The following WDR33 variants were observed in gnomAD, a reference collection of about 807,000 sequenced individuals.
The protein encoded by WDR33 is WD repeat domain 33.
In WDR33, 47 loss-of-function variants were observed where a neutral mutation model predicts 164.9. The observed-to-expected ratio is 0.29, with a 90% CI of 0.23 to 0.36. WDR33 has a LOEUF of 0.36. WDR33 is among the 10% of genes least tolerant of loss of function. The probability of loss-of-function intolerance (pLI) is 1.00; values close to 1 mark genes in which losing one functional copy is unlikely to be tolerated. For synonymous variants in WDR33, 505 were observed against 589.0 expected (o/e 0.86, Z 2.06); for missense variants, 1,137 against 1,754.1 (o/e 0.65, Z 6.28).
chr2:127,708,175 G>C lies in WDR33; in HGVS notation c.3781+502C>G, dbSNP rs913807319. ...AAGTTAGTGCTGCCTATAACATAAA[G>C]CTCCACAGTTCCCAGTTGAGGAGAT... On this transcript the variant is annotated intron_variant, in intron 21 of 21. Transcript: ENST00000322313. This position sits in a 1 kb window ranked among gnomAD's most constrained non-coding sequence, Gnocchi z 6.7. Among the ~76,000 whole-genome samples the C allele has an allele frequency of 6.6e-6, 1 of 152,182 alleles. No individual in the cohort carries two copies. Among genetic ancestry groups the C allele is most frequent in the Non-Finnish European group, 1.5e-5 (1 of 68,042 alleles).
intron 7 of WDR33, chr2:127,736,851 T>C: frequency 3.0e-6 from 3 of 985,292 alleles, no homozygotes; most frequent in Non-Finnish European, 3.6e-6. Context: ...TACAATAACG[T>C]GGGGAAGGGT....
At chr2:127,760,311 T>C (rs1021304660) in intron 7 of WDR33, among the ~76,000 whole-genome samples, 1 of 152,220 alleles carries the variant, frequency 6.6e-6, no homozygotes, top group African/African-American at 2.4e-5. Context: ...TACACAACAC[T>C]AACAATGCAA....
At chr2:127,806,333 G>A (rs1347829064) in intron 1 of WDR33, among the ~76,000 whole-genome samples, 4 of 149,922 alleles carry the variant, frequency 2.7e-5, no homozygotes, top group African/African-American at 4.9e-5. Flanking sequence ...TCAGTCTCCC[G>A]AGTAGCTGGG....
chr2:127,809,397 TA>T (rs1240439425), intron 1 of WDR33, among the ~76,000 whole-genome samples: 1 of 150,308 alleles, frequency 6.7e-6, no homozygotes, highest in East Asian at 2.0e-4. Context: ...TATTTTTGTC[TA>T]AACCATTGTA....
At chr2:127,784,047 C>T (rs1688472236) in intron 1 of WDR33, among the ~76,000 whole-genome samples, 1 of 151,918 alleles carries the variant, frequency 6.6e-6, no homozygotes. Context: ...AACTCATTAC[C>T]TTTCCTTTCC....
At chr2:127,736,747 A>G (rs1429596991) in intron 7 of WDR33, 2 of 985,304 alleles carry the variant, frequency 2.0e-6, no homozygotes, top group Non-Finnish European at 2.4e-6. Flanking sequence ...TCTTATGACT[A>G]TATGGTAAAA....
Position 127,701,639 on chromosome 2 carries a change from C to G in WDR33, c.*4684G>C. On this transcript the variant is annotated 3_prime_UTR_variant, in exon 22 of 22. Coordinates refer to ENST00000322313, the MANE Select transcript of WDR33 (RefSeq NM_018383.5). ...CGGAGAAGGCGGAGGAGCCCGGGGA[C>G]CGGCCGGCGGAGGAGTGGCTGGGCC... 1 of 1,316,868 alleles carries G rather than the reference C, an allele frequency of 7.6e-7. No homozygotes were observed. Among genetic ancestry groups the G allele is most frequent in the Non-Finnish European group, 9.6e-7 (1 of 1,037,432 alleles). The allele number at this position is 1,316,868 out of a possible 1,614,324, so 81.6% of individuals were successfully genotyped here.
rs1209677314 is a variant in WDR33, at chr2:127,735,077, T to G, written c.725-8300A>C. 6.6e-6 allele frequency among the ~76,000 whole-genome samples: 1 copy of G among 152,216 alleles called. No individual in the cohort carries two copies. Among genetic ancestry groups the G allele is most frequent in the African/African-American group, 2.4e-5 (1 of 41,444 alleles). On this transcript the variant is annotated intron_variant, in intron 7 of 21. Coordinates refer to ENST00000322313, the MANE Select transcript of WDR33 (RefSeq NM_018383.5). The surrounding 1 kb of genome is among the most constrained non-coding windows in gnomAD (Gnocchi z 4.3). Reference sequence around the variant, plus strand: ...AGACATTCTAGACTTGCTTTGTAGATAGTGAAGACTTCTTGTTCATTATTC... The same window carrying G: ...AGACATTCTAGACTTGCTTTGTAGAGAGTGAAGACTTCTTGTTCATTATTC...
intron 7 of WDR33, among the ~76,000 whole-genome samples, chr2:127,746,610 G>C (rs141043974): frequency 6.6e-6 from 1 of 152,290 alleles, no homozygotes; most frequent in African/African-American, 2.4e-5. Context: ...AGAAAGACTT[G>C]ACTTGCCCAG....
Position 127,724,499 on chromosome 2 carries a change from TC to T in WDR33, c.1086-57del. ...TCACAAAAGTTACCCAGCTTCTCCC[TC>T]CCCCTCAAAAAAGACATTTTCTGTT... On this transcript the variant is annotated intron_variant, in intron 10 of 21. Transcript: ENST00000322313. The surrounding 1 kb of genome is among the most constrained non-coding windows in gnomAD (Gnocchi z 4.8). 1 of 1,449,866 alleles carries T rather than the reference TC, an allele frequency of 6.9e-7. No homozygotes were observed. Among genetic ancestry groups the T allele is most frequent in the Non-Finnish European group, 9.6e-7 (1 of 1,039,510 alleles). The allele number at this position is 1,449,866 out of a possible 1,614,324, so 89.8% of individuals were successfully genotyped here.
Position 127,717,237 on chromosome 2 carries a change from G to C in WDR33, c.2787C>G (p.Pro929=). Residue 929 remains proline (P), a synonymous_variant, in exon 17 of 22, where the codon CCC becomes CCG. Transcript: ENST00000322313. The surrounding 1 kb of genome is among the most constrained non-coding windows in gnomAD (Gnocchi z 5.6). ...NQEGQSTGPP[P]LIPGLGQQGA... ...CCTGCTGCCCTAGGCCTGGTATCAG[G>C]GGTGGGGGGCCTGTGCTCTGTCCTT... The C allele has an allele frequency of 6.2e-7, 1 of 1,603,898 alleles. No individual in the cohort carries two copies. Among genetic ancestry groups the C allele is most frequent in the Non-Finnish European group, 8.5e-7 (1 of 1,175,562 alleles).
At chr2:127,803,947 CAAAAAAAAAAA>C (rs559652976) in intron 1 of WDR33, among the ~76,000 whole-genome samples, 2 of 61,908 alleles carry the variant, frequency 3.2e-5, no homozygotes, top group East Asian at 4.7e-4. Context: ...GACCCAGTCT[CAAAAAAAAAAA>C]AAAAAAAAAA....
chr2:127,757,396 G>T (rs74590909), intron 7 of WDR33, among the ~76,000 whole-genome samples: 4,627 of 152,138 alleles, frequency 0.03, 102 homozygotes, highest in Middle Eastern at 0.044. Flanking sequence ...TAAATATCAA[G>T]TCTTTTTCTC....
In WDR33 at chr2:127,702,255, AC is replaced by A. The variant is rs755620471; in HGVS notation, c.*4067del. ...CCGCGCCGGCCGAGCTGAGGACTGC[AC>A]GCCGCTGTGCGGAAGCCCGTGGCGA... is the stretch of plus-strand genomic sequence containing the variant. On this transcript the variant is annotated 3_prime_UTR_variant, in exon 22 of 22. Transcript: ENST00000322313. The A allele has an allele frequency of 1.8e-4, 209 of 1,155,032 alleles. No homozygotes were observed. Among genetic ancestry groups the A allele is most frequent in the Non-Finnish European group, 2.1e-4 (195 of 926,784 alleles). 71.5% of individuals were successfully genotyped at this position (1,155,032 alleles called of 1,614,324 possible). A position where few individuals can be genotyped will look rare whatever the true frequency, so the allele number is the denominator to read the frequency against.
intron 7 of WDR33, chr2:127,736,044 G>C (rs946076457): frequency 2.0e-6 from 2 of 985,336 alleles, no homozygotes; most frequent in African/African-American, 3.5e-5. Context: ...CCGGCAGTCA[G>C]GTAAGTTGAG....
rs758000363 is a variant in WDR33, at chr2:127,768,317, C to T, written c.274-24G>A. The T allele has an allele frequency of 5.6e-6, 8 of 1,417,924 alleles. 1 individual carries two copies. Among genetic ancestry groups the T allele is most frequent in the Non-Finnish European group, 7.7e-6 (8 of 1,044,400 alleles). 87.8% of individuals were successfully genotyped at this position (1,417,924 alleles called of 1,614,324 possible). Reference sequence around the variant, plus strand: ...AGCTACAAAAAAGGAAAATTGGGTTCTTAGAGCTCCTGATTACATACAAGG... The same window carrying T: ...AGCTACAAAAAAGGAAAATTGGGTTTTTAGAGCTCCTGATTACATACAAGG... On this transcript the variant is annotated intron_variant, in intron 3 of 21. Coordinates refer to ENST00000322313, the MANE Select transcript of WDR33 (RefSeq NM_018383.5).
At chr2:127,800,405 C>A (rs1288179153) in intron 1 of WDR33, among the ~76,000 whole-genome samples, 3 of 152,030 alleles carry the variant, frequency 2.0e-5, no homozygotes, top group African/African-American at 7.3e-5. Context: ...GAGGCCGCGG[C>A]AGGCGGATCA....
chr2:127,791,080 A>T (rs960908858), intron 1 of WDR33, among the ~76,000 whole-genome samples: 2 of 152,032 alleles, frequency 1.3e-5, no homozygotes, highest in Non-Finnish European at 2.9e-5. Flanking sequence ...TAAATAGTAC[A>T]ATTATGTAAG....
At chr2:127,745,768 C>T (rs561312546) in intron 7 of WDR33, among the ~76,000 whole-genome samples, 4 of 152,096 alleles carry the variant, frequency 2.6e-5, no homozygotes, top group South Asian at 4.2e-4. Flanking sequence ...TAGAGTAACT[C>T]GGTATGTCTT....
Sources: gnomAD v4.1 joint callset for allele counts (sites outside exome capture counted in the v4.1 genomes callset) on GRCh38, gnomAD v4.1.1 for gene constraint, Gnocchi (gnomAD v3.1) non-coding constraint, MANE v1.5 for transcripts, NCBI Gene and HGNC (gene_info 2026-07-23, HGNC 2026-07-21) for gene names.